TRIML2: variants seen among roughly 807,000 people sequenced by gnomAD.
TRIML2 encodes probable E3 ubiquitin-protein ligase TRIML2.
TRIML2 carries 28 observed loss-of-function variants against 31.2 expected under a neutral mutation model. That is an observed-to-expected ratio of 0.90 (90% CI 0.66 to 1.23). The LOEUF is 1.23. Among genes scored for constraint, TRIML2 ranks in the 50% most tolerant of loss-of-function variants. The pLI is 0.00. For synonymous variants in TRIML2, 187 were observed against 197.5 expected, an observed-to-expected ratio of 0.95 and a Z score of 0.45; for missense variants, 536 against 528.3, an observed-to-expected ratio of 1.01 and a Z score of -0.14.
chr4:188,101,726 T>G (rs1255725891), intron 3 of TRIML2, among the ~76,000 whole-genome samples: 1 of 150,802 alleles, frequency 6.6e-6, no homozygotes, highest in Non-Finnish European at 1.5e-5. Flanking sequence ...GACGAGGAAA[T>G]GTAAAGTACA....
At chr4:188,092,596 G>A (rs1384841268) in intron 7 of TRIML2, among the ~76,000 whole-genome samples, 4 of 152,094 alleles carry the variant, frequency 2.6e-5, no homozygotes, top group Admixed American at 2.0e-4. Flanking sequence ...AGCCTGGAGC[G>A]GCCACAGGAG....
At chr4:188,101,718 C>T (rs1182947196) in intron 3 of TRIML2, among the ~76,000 whole-genome samples, 3 of 151,124 alleles carry the variant, frequency 2.0e-5, no homozygotes, top group South Asian at 2.1e-4. Context: ...CAAAAAAAGA[C>T]GAGGAAATGT....
intron 7 of TRIML2, among the ~76,000 whole-genome samples, chr4:188,094,032 G>A (rs188027455): frequency 1.3e-4 from 20 of 151,724 alleles, no homozygotes; most frequent in Middle Eastern, 3.4e-3. Flanking sequence ...AGGAGGTTGC[G>A]GTGAGCTGAG....
intron 3 of TRIML2, among the ~76,000 whole-genome samples, chr4:188,102,005 C>T (rs974150458): frequency 1.3e-5 from 2 of 151,434 alleles, no homozygotes; most frequent in African/African-American, 4.9e-5. Flanking sequence ...TGGCGGGCGC[C>T]TGTAGTCCCA....
rs761994467 is a variant in TRIML2, at chr4:188,097,055, A to C, written c.745+6T>G. ...GCCCTGTGAGTATTCACATGTGTCA[A>C]CTTACTCTGGAGTACTCTGAACATG... On this transcript the variant is annotated splice_donor_region_variant and intron_variant, in intron 7 of 7. Transcript: ENST00000682553. The C allele has an allele frequency of 3.1e-6, 5 of 1,598,706 alleles. No individual in the cohort carries two copies. In the South Asian group the frequency reaches 3.3e-5, roughly 11 times the overall value.
intron 7 of TRIML2, chr4:188,092,943 TC>T: frequency 2.2e-6 from 1 of 453,972 alleles, no homozygotes; most frequent in Admixed American, 2.4e-5. Context: ...TAGTATATTC[TC>T]CTTCACTGCC....
At chr4:188,095,975 G>A (rs1210233477) in intron 7 of TRIML2, among the ~76,000 whole-genome samples, 1 of 152,124 alleles carries the variant, frequency 6.6e-6, no homozygotes, top group African/African-American at 2.4e-5. Flanking sequence ...AGGACATTCT[G>A]GGAAAGGCAA....
intron 3 of TRIML2, among the ~76,000 whole-genome samples, chr4:188,103,888 T>C (rs1209442532): frequency 6.6e-6 from 1 of 152,110 alleles, no homozygotes; most frequent in Admixed American, 6.6e-5. Context: ...TGAAAAATCC[T>C]TACCTAGCCA....
chr4:188,097,912 G>A (rs148191393), intron 5 of TRIML2, among the ~76,000 whole-genome samples: 8 of 152,030 alleles, frequency 5.3e-5, no homozygotes, highest in African/African-American at 2.4e-5. Context: ...ACCTGAGGTC[G>A]GGAGTTTAAG....
intron 1 of TRIML2, chr4:188,105,962 C>T (rs1292494228): frequency 6.6e-6 from 1 of 152,430 alleles, no homozygotes; most frequent in African/African-American, 2.4e-5. Context: ...AGCGATCCTC[C>T]CACCTCAGCT....
At chr4:188,098,365 C>T (rs1733622641) in intron 5 of TRIML2, 1 of 348,456 alleles carries the variant, frequency 2.9e-6, no homozygotes, top group Non-Finnish European at 5.7e-6. Flanking sequence ...GTGAGGTCTT[C>T]CTCGGCCTCT....
In TRIML2 at chr4:188,100,978, T is replaced by TA. The variant is rs1410522245; in HGVS notation, c.480+77dup. 8 of 1,343,090 alleles carry TA rather than the reference T, an allele frequency of 6.0e-6. No homozygotes were observed. In the African/African-American group the frequency reaches 1.0e-4, roughly 17 times the overall value. 83.2% of individuals were successfully genotyped at this position (1,343,090 alleles called of 1,614,324 possible). The stretch of plus-strand genomic sequence containing the variant: ...CATGTGTGGTTGTCACTGGCTATGT[T>TA]ATTTTGGAATTGACATAATGTTTAG... On this transcript the variant is annotated intron_variant, in intron 4 of 7. Transcript: ENST00000682553.
rs780250981 is a variant in TRIML2 at position 188,104,907 on chromosome 4, G to A, written c.215C>T (p.Thr72Ile). The A allele has an allele frequency of 8.1e-6, 13 of 1,613,712 alleles. No homozygotes were observed. In the African/African-American group the frequency reaches 1.7e-4, roughly 22 times the overall value. Residue 72 changes from threonine (T) to isoleucine (I), a missense_variant, in exon 3 of 8, where the codon ACA becomes ATA. By Grantham distance (89) the Thr-to-Ile change is moderately conservative (BLOSUM62 -1). Coordinates refer to ENST00000682553, the MANE Select transcript of TRIML2 (RefSeq NM_173553.4). ...AGCTGCTTCAAGTTTCTCCCTCGAT[G>A]TGTTCAATATTTCCTGGAATAACTT... Reference protein sequence around the residue: ...YRKLFQEILNTSREKLEAAKS... With the variant: ...YRKLFQEILNISREKLEAAKS...
At chr4:188,096,956 T>G (rs9985751) in intron 7 of TRIML2, 105 bp downstream of exon 7, 13,186 of 923,362 alleles carry the variant, frequency 0.014, 133 homozygotes, top group Middle Eastern at 0.029. Context: ...TGTGCTGGCC[T>G]AAAATTGTTA....
intron 4 of TRIML2, among the ~76,000 whole-genome samples, chr4:188,099,520 T>C (rs994220156): frequency 2.0e-5 from 3 of 149,322 alleles, no homozygotes; most frequent in Non-Finnish European, 3.0e-5. Flanking sequence ...GCCAAGATCG[T>C]GCCACTGCAC....
In TRIML2 at chr4:188,099,035, C is replaced by A; in HGVS notation, c.621G>T (p.Lys207Asn). Residue 207 changes from lysine to asparagine, a missense_variant and splice_region_variant, in exon 5 of 8, where the codon AAG becomes AAT. Transcript: ENST00000682553. Reference sequence around the variant, plus strand: ...TATTTTCTTTTTCCCAGCATCTTACCTTGAGCAATGCCAAGGTGCCTTCCC... The same window carrying A: ...TATTTTCTTTTTCCCAGCATCTTACATTGAGCAATGCCAAGGTGCCTTCCC... ...KCGEGTLALL[K>N]NAKYSLERSK... 6.2e-7 allele frequency: 1 copy of A among 1,614,080 alleles called. No individual in the cohort carries two copies. The highest frequency in any genetic ancestry group is 8.5e-7 in the Non-Finnish European group (1 of 1,180,014).
At chr4:188,098,201 T>A in intron 5 of TRIML2, 1 of 440,958 alleles carries the variant, frequency 2.3e-6, no homozygotes, top group South Asian at 1.6e-5. Flanking sequence ...TATGCAATAC[T>A]TACCATAGAC....
At chr4:188,100,684 T>G (rs1733747703) in intron 4 of TRIML2, among the ~76,000 whole-genome samples, 1 of 152,094 alleles carries the variant, frequency 6.6e-6, no homozygotes, top group African/African-American at 2.4e-5. Context: ...ATTGCGCCAC[T>G]GCACTCCAGC....
intron 4 of TRIML2, among the ~76,000 whole-genome samples, chr4:188,099,588 C>CAA (rs200928701): frequency 5.7e-5 from 8 of 139,468 alleles, no homozygotes; most frequent in East Asian, 2.1e-4. Context: ...AAACCAAAAC[C>CAA]AAAAAAAAAA....
Sources: gnomAD v4.1 joint callset for allele counts (sites outside exome capture counted in the v4.1 genomes callset) on GRCh38, gnomAD v4.1.1 for gene constraint, MANE v1.5 for transcripts, NCBI Gene and HGNC (gene_info 2026-07-23, HGNC 2026-07-21) for gene names.